PDE11A: variants seen among roughly 807,000 people sequenced by gnomAD.
PDE11A encodes the protein dual 3',5'-cyclic-AMP and -GMP phosphodiesterase 11A.
A neutral mutation model predicts 100.5 loss-of-function variants in PDE11A; 100 were observed. That is an observed-to-expected ratio of 1.00 (90% CI 0.85 to 1.18). The LOEUF (loss-of-function observed/expected upper bound fraction) is 1.18. PDE11A is among the 50% of genes most tolerant of loss of function. The probability of loss-of-function intolerance (pLI) is 0.00; values close to 1 mark genes in which losing one functional copy is unlikely to be tolerated. For missense variants in PDE11A, 1,141 were observed against 1,152.6 expected, an observed-to-expected ratio of 0.99 and a Z score of 0.15; for synonymous variants, 381 against 420.8, an observed-to-expected ratio of 0.91 and a Z score of 1.16.
intron 13 of PDE11A, among the ~76,000 whole-genome samples, chr2:177,711,046 A>C (rs2081352820): frequency 6.6e-6 from 1 of 152,206 alleles, no homozygotes; most frequent in South Asian, 2.1e-4. Context: ...CTCAATATAC[A>C]AGTCAGGAGA....
At chr2:177,822,212 T>G (rs2083152387) in intron 6 of PDE11A, among the ~76,000 whole-genome samples, 1 of 152,002 alleles carries the variant, frequency 6.6e-6, no homozygotes, top group Non-Finnish European at 1.5e-5. Context: ...GAATCCTTAC[T>G]GTTTTAACTT....
intron 2 of PDE11A, among the ~76,000 whole-genome samples, chr2:177,947,288 G>A (rs1026355427): frequency 2.1e-5 from 3 of 144,308 alleles, no homozygotes; most frequent in Non-Finnish European, 3.1e-5. Flanking sequence ...CATTGAGAAC[G>A]GGCCAGGATG....
At chr2:177,705,528 A>C (rs1278239354) in intron 13 of PDE11A, among the ~76,000 whole-genome samples, 3 of 152,182 alleles carry the variant, frequency 2.0e-5, no homozygotes, top group African/African-American at 7.2e-5. Flanking sequence ...CAATGAGGAG[A>C]AACTTATTAA....
intron 10 of PDE11A, among the ~76,000 whole-genome samples, chr2:177,761,156 C>T (rs1278093367): frequency 1.3e-5 from 2 of 151,980 alleles, no homozygotes; most frequent in South Asian, 4.2e-4. Context: ...TTGCCTCCAG[C>T]GGGGAAGAGA....
chr2:178,014,050 C>A (rs548194002), intron 2 of PDE11A, among the ~76,000 whole-genome samples: 2 of 151,906 alleles, frequency 1.3e-5, no homozygotes, highest in African/African-American at 2.4e-5. Flanking sequence ...GACCAGGGAA[C>A]AACAAGAATA....
chr2:177,824,775 T>C (rs777028793), intron 6 of PDE11A, among the ~76,000 whole-genome samples: 1 of 152,164 alleles, frequency 6.6e-6, no homozygotes, highest in African/African-American at 2.4e-5. Context: ...ATATTATGCA[T>C]CTAATTAAAA....
chr2:177,758,954 CTGGGGTTT>C (rs2082134261), intron 10 of PDE11A, among the ~76,000 whole-genome samples: 1 of 152,218 alleles, frequency 6.6e-6, no homozygotes, highest in South Asian at 2.1e-4. Flanking sequence ...ATTACTGTCT[CTGGGGTTT>C]TAGCCATTTT....
chr2:177,742,852 T>C (rs557587548), intron 10 of PDE11A, among the ~76,000 whole-genome samples: 33 of 152,286 alleles, frequency 2.2e-4, no homozygotes, highest in African/African-American at 7.7e-4. Context: ...GTAGAGGTAA[T>C]GGAGGTTCTG....
intron 2 of PDE11A, among the ~76,000 whole-genome samples, chr2:178,013,301 CT>C (rs1223484066): frequency 2.0e-5 from 3 of 152,176 alleles, no homozygotes; most frequent in African/African-American, 7.2e-5. Flanking sequence ...TAGCATTTTA[CT>C]TCATTGTAAG....
intron 5 of PDE11A, among the ~76,000 whole-genome samples, chr2:177,846,819 A>C (rs1482879366): frequency 6.6e-6 from 1 of 152,180 alleles, no homozygotes. Context: ...TCTTCAACAC[A>C]TCTGAAAATT....
At chr2:177,777,385 T>G (rs1272506759) in intron 9 of PDE11A, among the ~76,000 whole-genome samples, 1 of 152,200 alleles carries the variant, frequency 6.6e-6, no homozygotes, top group African/African-American at 2.4e-5. Context: ...ACTTTTAGCA[T>G]AGTCAATCTT....
chr2:177,895,495 A>G (rs1356407840), intron 4 of PDE11A, among the ~76,000 whole-genome samples: 1 of 151,682 alleles, frequency 6.6e-6, no homozygotes, highest in Non-Finnish European at 1.5e-5. Flanking sequence ...TGGAGGTTTC[A>G]GTGAGCTGAG....
At chr2:177,700,329 A>T (rs79835890) in intron 14 of PDE11A, among the ~76,000 whole-genome samples, 3 of 151,718 alleles carry the variant, frequency 2.0e-5, no homozygotes, top group Middle Eastern at 3.2e-3. Context: ...TAATGATGAT[A>T]ATAATAATAA....
intron 19 of PDE11A, among the ~76,000 whole-genome samples, chr2:177,642,155 G>T (rs10497494): frequency 0.055 from 8,416 of 152,264 alleles, 336 homozygotes; most frequent in East Asian, 0.19. Flanking sequence ...GGAATTGCCT[G>T]TTTATCTTCA....
chr2:177,865,484 A>G (rs1296101600), intron 5 of PDE11A, among the ~76,000 whole-genome samples: 2 of 152,206 alleles, frequency 1.3e-5, no homozygotes, highest in Non-Finnish European at 2.9e-5. Context: ...GAGTTACCAC[A>G]TGACCTAGCA....
At chr2:177,718,110 A>G (rs1488160378) in intron 12 of PDE11A, among the ~76,000 whole-genome samples, 1 of 152,242 alleles carries the variant, frequency 6.6e-6, no homozygotes, top group Non-Finnish European at 1.5e-5. Flanking sequence ...GCCTGGGATA[A>G]TGTCAACAAC....
chr2:178,068,561 T>C (rs986174765), intron 1 of PDE11A, among the ~76,000 whole-genome samples: 27 of 152,184 alleles, frequency 1.8e-4, no homozygotes, highest in Admixed American at 6.5e-4. Context: ...ATACACTGTC[T>C]GAAGCTGAGC....
At chr2:177,873,510 TC>T (rs1358960132) in intron 5 of PDE11A, among the ~76,000 whole-genome samples, 1 of 152,216 alleles carries the variant, frequency 6.6e-6, no homozygotes, top group East Asian at 1.9e-4. Flanking sequence ...GACCTCTTTT[TC>T]CCATTTCAAT....
Position 177,858,117 on chromosome 2 carries a change from C to A in PDE11A, c.1368-17734G>T, listed in dbSNP as rs971918564. Among the ~76,000 whole-genome samples, 109 of 150,994 alleles carry A rather than the reference C, an allele frequency of 7.2e-4. 1 individual carries two copies. Among genetic ancestry groups the A allele is most frequent in the African/African-American group, 2.4e-3 (99 of 41,264 alleles). ...TAATTCAAGATGGATTAAAGACTTA[C>A]ATGTTAGACCTAAAACCATAAAAAC... On this transcript the variant is annotated intron_variant, in intron 5 of 19. Coordinates refer to ENST00000286063, the MANE Select transcript of PDE11A (RefSeq NM_016953.4).
Sources: allele counts gnomAD v4.1 joint callset (sites outside exome capture counted in the v4.1 genomes callset), GRCh38; gene constraint gnomAD v4.1.1; transcripts MANE v1.5; gene names NCBI Gene and HGNC (gene_info 2026-07-23, HGNC 2026-07-21).